METTL21A: variants seen among roughly 807,000 people sequenced by gnomAD.
METTL21A encodes the protein methyltransferase 21A, HSPA lysine.
A neutral mutation model predicts 20.9 loss-of-function variants in METTL21A; 22 were observed. The observed-to-expected ratio is 1.05, with a 90% CI of 0.75 to 1.50. The LOEUF (loss-of-function observed/expected upper bound fraction) is 1.50. Among genes scored for constraint, METTL21A ranks in the 40% most tolerant of loss-of-function variants. METTL21A has a pLI of 0.00. For missense variants in METTL21A, 271 were observed against 266.8 expected (o/e 1.02, Z -0.11); for synonymous variants, 93 against 102.0 (o/e 0.91, Z 0.53).
downstream of METTL21A, among the ~76,000 whole-genome samples, chr2:207,604,895 T>C (rs561261071): frequency 7.9e-5 from 12 of 152,342 alleles, no homozygotes; most frequent in South Asian, 1.2e-3. Flanking sequence ...TAACATGTTA[T>C]CACTACTTCA....
In METTL21A at chr2:207,586,958, A is replaced by G. The variant is rs571273527; in HGVS notation, c.260-4798T>C. 4.6e-5 allele frequency among the ~76,000 whole-genome samples: 7 copies of G among 152,338 alleles called. No individual in the cohort carries two copies. In the South Asian group the frequency reaches 8.3e-4, roughly 18 times the overall value. ...GGAAGTATCATTAGTTAGAATGGCT[A>G]TAATCAAAAAGACAAGAAGTAAACA... is the stretch of plus-strand genomic sequence containing the variant. On this transcript the variant is annotated intron_variant, in intron 3 of 3. Transcript: ENST00000425132.
At chr2:207,607,935 G>A (rs1012550798), downstream of METTL21A, among the ~76,000 whole-genome samples, 1 of 152,012 alleles carries the variant, frequency 6.6e-6, no homozygotes, top group African/African-American at 2.4e-5. Context: ...CATTGGTAGT[G>A]GACACTGTGG....
chr2:207,586,389 C>G (rs562860993), intron 3 of METTL21A, among the ~76,000 whole-genome samples: 1 of 152,086 alleles, frequency 6.6e-6, no homozygotes, highest in Non-Finnish European at 1.5e-5. Flanking sequence ...AAACTAGATA[C>G]CTATCACCAT....
intron 3 of METTL21A, chr2:207,596,791 T>C: frequency 8.9e-7 from 1 of 1,129,628 alleles, no homozygotes; most frequent in Admixed American, 2.7e-5. Flanking sequence ...TTTCCAATGC[T>C]TAATATATAC....
intron 3 of METTL21A, chr2:207,596,887 AT>A: frequency 1.3e-6 from 2 of 1,586,582 alleles, no homozygotes; most frequent in Non-Finnish European, 1.7e-6. Flanking sequence ...CATTTGCATA[AT>A]TTTTCCCGTC....
At position 207,587,492 on chromosome 2, in the gene METTL21A, A is replaced by G. The variant is rs556933167; in HGVS notation, c.260-5332T>C. 2.0e-5 allele frequency among the ~76,000 whole-genome samples: 3 copies of G among 152,316 alleles called. No individual in the cohort carries two copies. In the South Asian group the frequency reaches 6.2e-4, roughly 32 times the overall value. On this transcript the variant is annotated intron_variant, in intron 3 of 3. Transcript: ENST00000425132. ...ACTGGGTATCTATTCAAAAGAAAGG[A>G]AACCAGTATTGCATCACTTCACAGT...
At chr2:207,591,621 C>T (rs1029631863) in intron 3 of METTL21A, among the ~76,000 whole-genome samples, 3 of 152,036 alleles carry the variant, frequency 2.0e-5, no homozygotes, top group African/African-American at 2.4e-5. Context: ...TTAGTAGAGA[C>T]GGGGTTTCGC....
intron 3 of METTL21A, chr2:207,602,935 G>C (rs1228800417): frequency 4.6e-6 from 1 of 215,874 alleles, no homozygotes; most frequent in Admixed American, 5.8e-5. Flanking sequence ...TGTATCACTT[G>C]AAACTTTTTA....
At chr2:207,608,788 G>A (rs546145688), downstream of METTL21A, among the ~76,000 whole-genome samples, 7 of 152,312 alleles carry the variant, frequency 4.6e-5, no homozygotes, top group Middle Eastern at 3.4e-3. Flanking sequence ...TAGCCGGACC[G>A]TGGTGGCAGG....
In METTL21A at chr2:207,596,476, C is replaced by G. The variant is rs1303897091; in HGVS notation, c.260-14316G>C. On this transcript the variant is annotated intron_variant, in intron 3 of 3. Transcript: ENST00000425132. ...GAGACGGAGTCTCACTCTTGTCACT[C>G]AGGCTGGAGTGCAGTGGCGCAATCT... 2.6e-5 allele frequency among the ~76,000 whole-genome samples: 4 copies of G among 152,206 alleles called. No homozygotes were observed. The East Asian group carries it at 7.7e-4, about 29-fold the overall frequency.
Position 207,613,173 on chromosome 2 carries a change from T to C in METTL21A, c.530A>G (p.Tyr177Cys), listed in dbSNP as rs74546744. 2,162 of 1,614,108 alleles carry C rather than the reference T, an allele frequency of 1.3e-3. 25 individuals are homozygous for C. In the African/African-American group the frequency reaches 0.025, roughly 19 times the overall value. The change falls in exon 4 of 4, where the codon TAT (tyrosine) becomes TGT (cysteine). Residue 177 changes from tyrosine (Y) to cysteine (C), a missense_variant. Coordinates refer to ENST00000406927, the Ensembl canonical transcript of METTL21A. ...TGCTAAGAAGTTGTTATCCCGTTCATAGCGAATTCGGCATGCTAAAAGAAT... is the reference window on the plus strand; with the variant it reads ...TGCTAAGAAGTTGTTATCCCGTTCACAGCGAATTCGGCATGCTAAAAGAAT...
chr2:207,597,102 G>A (rs372883715), intron 3 of METTL21A: 31 of 1,542,582 alleles, frequency 2.0e-5, no homozygotes, highest in Non-Finnish European at 2.3e-5. Context: ...AAATGGACTG[G>A]CTTGGCCACA....
intron 3 of METTL21A, among the ~76,000 whole-genome samples, chr2:207,590,082 A>AT (rs1201693112): frequency 3.7e-4 from 35 of 95,546 alleles, no homozygotes; most frequent in East Asian, 2.0e-3. Context: ...TATTTTGAGA[A>AT]GTTTTTTTTT....
chr2:207,582,888 C>A, intron 3 of METTL21A: 1 of 299,606 alleles, frequency 3.3e-6, no homozygotes, highest in African/African-American at 2.4e-5. Context: ...GAGACTCTGT[C>A]TCAAAAAAAC....
chr2:207,590,557 A>G (rs970681643), intron 3 of METTL21A, among the ~76,000 whole-genome samples: 4 of 151,902 alleles, frequency 2.6e-5, no homozygotes, highest in Non-Finnish European at 5.9e-5. Context: ...TCCTATTAAT[A>G]TATACCTTTG....
At position 207,612,804 on chromosome 2, in the gene METTL21A, C is replaced by T. The variant is rs750731320; in HGVS notation, c.*242G>A. 5.3e-4 allele frequency: 203 copies of T among 382,650 alleles called. 2 individuals are homozygous for T. Among genetic ancestry groups the T allele is most frequent in the Admixed American group, 1.2e-3 (30 of 24,050 alleles). The allele number at this position is 382,650 out of a possible 1,614,324, so 23.7% of individuals were successfully genotyped here. On this transcript the variant is annotated 3_prime_UTR_variant, in exon 4 of 4. Coordinates refer to ENST00000406927, the Ensembl canonical transcript of METTL21A. ...TATGGGATACACAAATAGCATAAATCGAAATCTCACACTTAATCCTTTAAT... is the reference window on the plus strand; with the variant it reads ...TATGGGATACACAAATAGCATAAATTGAAATCTCACACTTAATCCTTTAAT...
chr2:207,604,173 T>G (rs543017450), downstream of METTL21A, among the ~76,000 whole-genome samples: 1 of 152,338 alleles, frequency 6.6e-6, no homozygotes, highest in East Asian at 1.9e-4. Flanking sequence ...AGGAAAAGAT[T>G]GCCCATCTTG....
At chr2:207,619,857 T>C (rs2090272478) in intron 3 of METTL21A, among the ~76,000 whole-genome samples, 1 of 152,178 alleles carries the variant, frequency 6.6e-6, no homozygotes, top group African/African-American at 2.4e-5. Context: ...ATACACGCAA[T>C]CTCATTGGTT....
intron 2 of METTL21A, among the ~76,000 whole-genome samples, chr2:207,623,780 G>GCTC: frequency 6.6e-6 from 1 of 152,178 alleles, no homozygotes; most frequent in South Asian, 2.1e-4. Context: ...TTGAACCCAG[G>GCTC]AAGCGGAGGC....
Sources: gnomAD v4.1 joint callset for allele counts (sites outside exome capture counted in the v4.1 genomes callset) on GRCh38, gnomAD v4.1.1 for gene constraint, MANE v1.5 for transcripts, NCBI Gene and HGNC (gene_info 2026-07-23, HGNC 2026-07-21) for gene names.